The following COL5A3 variants were observed in gnomAD, a reference collection of about 807,000 sequenced individuals.
The protein encoded by COL5A3 is collagen type V alpha 3 chain.
A neutral mutation model predicts 250.0 loss-of-function variants in COL5A3; 172 were observed. That is an observed-to-expected ratio of 0.69 (90% confidence interval 0.61 to 0.78). The LOEUF (loss-of-function observed/expected upper bound fraction) is 0.78. COL5A3 is among the 30% of genes least tolerant of loss of function. COL5A3 has a pLI of 0.00. For missense variants in COL5A3, 2,340 were observed against 2,334.4 expected, an observed-to-expected ratio of 1.00 and a Z score of -0.05; for synonymous variants, 937 against 900.4, an observed-to-expected ratio of 1.04 and a Z score of -0.73.
chr19:9,996,743 A>G, intron 11 of COL5A3, 54 bp from the exon 12 acceptor site: 3 of 1,414,984 alleles, frequency 2.1e-6, no homozygotes, highest in Non-Finnish European at 2.9e-6. Context: ...GGAGAGAGAG[A>G]GCGAGGACAG....
chr19:9,975,241 AT>A (rs574963857), intron 45 of COL5A3, among the ~76,000 whole-genome samples: 8 of 149,364 alleles, frequency 5.4e-5, no homozygotes, highest in East Asian at 3.9e-4. Context: ...TGCCCAGCAA[AT>A]TTTTTTTTTG....
intron 1 of COL5A3, 148 bp from the exon 2 acceptor site, chr19:10,006,379 C>G (rs9789339): frequency 1.9e-5 from 14 of 736,574 alleles, no homozygotes; most frequent in Non-Finnish European, 2.9e-5. Context: ...AAGAAGGAGC[C>G]GGCCTGGGCC....
chr19:9,966,406 T>G lies in COL5A3; in HGVS notation c.4690A>C (p.Asn1564His). The part of the protein sequence containing the change: ...LPDGEYWIDP[N>H]QGCARDSFRV... The stretch of plus-strand genomic sequence containing the variant: ...AACGAGTCCCGCGCGCAGCCCTGGT[T>G]GGGGTCAATCCAGTATTCCCCTGCC... Residue 1564 changes from asparagine (N) to histidine (H), a missense_variant, in exon 64 of 67, where the codon AAC (asparagine) becomes CAC (histidine). Transcript: ENST00000264828. 6.2e-7 allele frequency: 1 copy of G among 1,606,642 alleles called. No individual in the cohort carries two copies. Among genetic ancestry groups the G allele is most frequent in the Non-Finnish European group, 8.5e-7 (1 of 1,175,486 alleles).
chr19:9,969,252 C>G, intron 57 of COL5A3, 97 bp downstream of exon 57: 1 of 1,058,096 alleles, frequency 9.5e-7, no homozygotes, highest in Non-Finnish European at 1.4e-6. Context: ...GATGGATGGT[C>G]AGTGAGGGCT....
chr19:9,996,856 A>G, intron 11 of COL5A3, 167 bp from the exon 12 acceptor site: 1 of 596,364 alleles, frequency 1.7e-6, no homozygotes, highest in Non-Finnish European at 2.9e-6. Flanking sequence ...AGAAGTAGAG[A>G]GAAGTGGAAA....
Position 9,977,243 on chromosome 19 carries a change from C to G in COL5A3, c.3274G>C (p.Asp1092His), listed in dbSNP as rs774594724. 4 of 1,613,272 alleles carry G rather than the reference C, an allele frequency of 2.5e-6. No individual in the cohort carries two copies. In the South Asian group the frequency reaches 4.4e-5, roughly 18 times the overall value. The change falls in exon 44 of 67, where the codon GAT becomes CAT. Residue 1092 changes from aspartate to histidine, a missense_variant. This residue lies in a region of COL5A3 where 1,179 missense variants were observed against 1,162.6 expected (regional missense o/e 1.01). Transcript: ENST00000264828. Reference sequence around the variant, plus strand: ...CCTTCACTCACCGCGTCTCCTTTATCGCCTTTACTCCCCTTGTGTCCGGGG... The same window carrying G: ...CCTTCACTCACCGCGTCTCCTTTATGGCCTTTACTCCCCTTGTGTCCGGGG... ...GAPGHKGSKG[D>H]KGDAGPPGQP... is the part of the protein sequence containing the mutation.
At position 9,960,269 on chromosome 19, in the gene COL5A3, G is replaced by C; in HGVS notation, c.*142C>G. On this transcript the variant is annotated 3_prime_UTR_variant, in exon 67 of 67. Coordinates refer to ENST00000264828, the MANE Select transcript of COL5A3 (RefSeq NM_015719.4). ...CCCCCAGCACCCTGGAAAGGAGAAGGAATGACTGTCCGTGATGAGCGAAGT... is the reference window on the plus strand; with the variant it reads ...CCCCCAGCACCCTGGAAAGGAGAAGCAATGACTGTCCGTGATGAGCGAAGT... 9.7e-7 allele frequency: 1 copy of C among 1,033,828 alleles called. No homozygotes were observed. Among genetic ancestry groups the C allele is most frequent in the Non-Finnish European group, 1.4e-6 (1 of 712,218 alleles). 64.0% of individuals were successfully genotyped at this position (1,033,828 alleles called of 1,614,324 possible).
chr19:9,973,865 T>C, intron 48 of COL5A3, 54 bp downstream of exon 48: 1 of 1,607,208 alleles, frequency 6.2e-7, no homozygotes, highest in Non-Finnish European at 8.5e-7. Flanking sequence ...ATCCTCTTCT[T>C]AGGAAATGGT....
In COL5A3 at chr19:9,968,389, T is replaced by A; in HGVS notation, c.4310A>T (p.Asp1437Val). 6.3e-7 allele frequency: 1 copy of A among 1,595,048 alleles called. No individual in the cohort carries two copies. The highest frequency in any genetic ancestry group is 8.5e-7 in the Non-Finnish European group (1 of 1,174,048). ...GVQGPPGPKGDPGPPGPIGSL... is the reference protein window; with the variant it reads ...GVQGPPGPKGVPGPPGPIGSL... ...CGCTCAGGTCAGGACACTCACAGGG[T>A]CTCCCTTGGGACCAGGGGGTCCCTG... The change falls in exon 59 of 67, where the codon GAC becomes GTC. Residue 1437 changes from aspartate to valine, a missense_variant. Around this residue, in one of 3 missense-constraint regions of COL5A3, gnomAD observed 1,179 missense variants for 1,162.6 expected, o/e 1.01. Transcript: ENST00000264828. This position sits in a 1 kb window ranked among gnomAD's most constrained non-coding sequence, Gnocchi z 4.1.
At chr19:9,997,178 A>C in intron 11 of COL5A3, 193 bp downstream of exon 11, 1 of 625,394 alleles carries the variant, frequency 1.6e-6, no homozygotes, top group South Asian at 1.9e-5. Flanking sequence ...AAAAGCAAAG[A>C]GTAGGCCCCA....
intron 31 of COL5A3, among the ~76,000 whole-genome samples, chr19:9,983,437 G>C (rs1167751634): frequency 1.3e-5 from 2 of 151,774 alleles, no homozygotes; most frequent in African/African-American, 4.8e-5. Flanking sequence ...ATTGGGGGCT[G>C]TAATAAGCTA....
chr19:10,006,889 T>C (rs1409536125), intron 1 of COL5A3, among the ~76,000 whole-genome samples: 1 of 152,060 alleles, frequency 6.6e-6, no homozygotes. Context: ...CTCCTCCTTC[T>C]GAATTTCCCC....
Position 9,959,958 on chromosome 19 carries a change from G to A in COL5A3, c.*453C>T, listed in dbSNP as rs1043396896. Reference sequence around the variant, plus strand: ...GTGGAAGTAGAAAGGATCAAAGGGGGTGGGGGTAGGGGTCCCAGCCTGGGA... The same window carrying A: ...GTGGAAGTAGAAAGGATCAAAGGGGATGGGGGTAGGGGTCCCAGCCTGGGA... On this transcript the variant is annotated 3_prime_UTR_variant, in exon 67 of 67. Coordinates refer to ENST00000264828, the MANE Select transcript of COL5A3 (RefSeq NM_015719.4). The A allele has an allele frequency of 2.3e-5, 4 of 172,332 alleles. No homozygotes were observed. The highest frequency in any genetic ancestry group is 7.1e-5 in the African/African-American group (3 of 42,122). 10.7% of individuals were successfully genotyped at this position (172,332 alleles called of 1,614,324 possible).
chr19:9,960,993 C>T (rs2277968), intron 65 of COL5A3, 103 bp from the exon 66 acceptor site: 274,769 of 1,418,532 alleles, frequency 0.19, 28,016 homozygotes, highest in South Asian at 0.28. Flanking sequence ...AGCCACCCCC[C>T]CCATGTCACC....
At chr19:9,992,196 G>T in intron 21 of COL5A3, 148 bp from the exon 22 acceptor site, 1 of 676,462 alleles carries the variant, frequency 1.5e-6, no homozygotes, top group Non-Finnish European at 2.6e-6. Context: ...GCTGAGGCAG[G>T]TGGATCACCT....
rs1420282221 is a variant in COL5A3 at position 9,989,258 on chromosome 19, C to T, written c.2091+64G>A. 6 of 1,610,894 alleles carry T rather than the reference C, an allele frequency of 3.7e-6. No individual in the cohort carries two copies. In the African/African-American group the frequency reaches 6.7e-5, roughly 18 times the overall value. On this transcript the variant is annotated intron_variant, in intron 26 of 66. Coordinates refer to ENST00000264828, the MANE Select transcript of COL5A3 (RefSeq NM_015719.4). Reference sequence around the variant, plus strand: ...GCCCTCATCTCTCTCCTCTGTGGCCCCTGACTGCAGGCCCTGCCTCCCGAC... The same window carrying T: ...GCCCTCATCTCTCTCCTCTGTGGCCTCTGACTGCAGGCCCTGCCTCCCGAC...
chr19:9,993,217 C>G (rs2087220608), intron 19 of COL5A3, 150 bp from the exon 20 acceptor site: 1 of 1,121,718 alleles, frequency 8.9e-7, no homozygotes, highest in South Asian at 1.4e-5. Context: ...TCCATTCAGG[C>G]CCCTGACTCC....
At position 10,002,187 on chromosome 19, in the gene COL5A3, A is replaced by G. The variant is rs567353544; in HGVS notation, c.850-306T>C. ...TAGCCCACATGTCCTCTCCCAAGGC[A>G]GAGTTCAGCGGCCAGCAGGCCACAG... On this transcript the variant is annotated intron_variant, in intron 6 of 66. Coordinates refer to ENST00000264828, the MANE Select transcript of COL5A3 (RefSeq NM_015719.4). Among the ~76,000 whole-genome samples the G allele has an allele frequency of 3.3e-5, 5 of 151,288 alleles. No homozygotes were observed. The South Asian group carries it at 1.1e-3, about 32-fold the overall frequency.
Position 9,979,843 on chromosome 19 carries a change from T to A in COL5A3, c.2708A>T (p.Glu903Val). The change falls in exon 37 of 67, where the codon GAA becomes GTA. Residue 903 changes from glutamate to valine, a missense_variant. Physicochemically the swap from Glu to Val is moderately radical, Grantham distance 121 (BLOSUM62 -2). Around this residue, in one of 3 missense-constraint regions of COL5A3, gnomAD observed 1,179 missense variants for 1,162.6 expected, o/e 1.01. Coordinates refer to ENST00000264828, the MANE Select transcript of COL5A3 (RefSeq NM_015719.4). ...GRPGHPGQRG[E>V]LGFQGQTGPP... ...AAAGGTTGAGGGGTTACTCACCAGTTCTCCTCTCTGTCCAGGGTGCCCTGG... is the reference window on the plus strand; with the variant it reads ...AAAGGTTGAGGGGTTACTCACCAGTACTCCTCTCTGTCCAGGGTGCCCTGG... The A allele has an allele frequency of 6.3e-7, 1 of 1,582,986 alleles. No individual in the cohort carries two copies. Among genetic ancestry groups the A allele is most frequent in the Non-Finnish European group, 8.5e-7 (1 of 1,171,286 alleles).
Sources: allele counts gnomAD v4.1 joint callset (sites outside exome capture counted in the v4.1 genomes callset), GRCh38; gene constraint gnomAD v4.1.1; regional missense constraint gnomAD v4.1.1; non-coding constraint Gnocchi (gnomAD v3.1); transcripts MANE v1.5; gene names NCBI Gene and HGNC (gene_info 2026-07-23, HGNC 2026-07-21).